ZNF140: variants seen among roughly 807,000 people sequenced by gnomAD.
The protein encoded by ZNF140 is zinc finger protein 140 (clone pHZ-39).
In ZNF140, 13 loss-of-function variants were observed where a neutral mutation model predicts 12.9. The ratio of observed to expected loss-of-function variants is 1.01; its 90% CI spans 0.66 to 1.60. The LOEUF (loss-of-function observed/expected upper bound fraction) is 1.60, where lower values mean the gene tolerates loss of function less well. ZNF140 is among the 40% of genes most tolerant of loss of function. The probability of loss-of-function intolerance (pLI) is 0.00; values close to 1 mark genes in which losing one functional copy is unlikely to be tolerated. For missense variants in ZNF140, 531 were observed against 548.8 expected (o/e 0.97, Z 0.32); for synonymous variants, 214 against 186.7 (o/e 1.15, Z -1.19).
intron 4 of ZNF140, among the ~76,000 whole-genome samples, chr12:133,099,121 C>T (rs1955238962): frequency 2.0e-5 from 3 of 151,134 alleles, no homozygotes; most frequent in Non-Finnish European, 4.4e-5. Context: ...GTGATCTGCC[C>T]GCCTCGGCCT....
upstream of ZNF140, chr12:133,080,468 G>A (rs1593730562): frequency 2.0e-5 from 3 of 152,516 alleles, no homozygotes; most frequent in African/African-American, 7.2e-5. Flanking sequence ...TGGGAAGTGT[G>A]GTGGCCTGAG....
intron 4 of ZNF140, among the ~76,000 whole-genome samples, chr12:133,086,593 C>CT (rs766139420): frequency 2.4e-4 from 37 of 151,954 alleles, no homozygotes; most frequent in African/African-American, 4.1e-4. Flanking sequence ...TCACATGTGG[C>CT]TTTTTTTTAA....
intron 4 of ZNF140, chr12:133,093,599 A>G: frequency 1.6e-6 from 1 of 635,642 alleles, no homozygotes; most frequent in Non-Finnish European, 2.8e-6. Context: ...CCCATGTTTT[A>G]TTTTTGTTGT....
chr12:133,090,640 A>G (rs1341278568), intron 4 of ZNF140, among the ~76,000 whole-genome samples: 1 of 122,836 alleles, frequency 8.1e-6, no homozygotes, highest in Non-Finnish European at 1.8e-5. Context: ...GAGAAACAAC[A>G]GTGGGCCCAG....
At chr12:133,093,531 T>A in intron 4 of ZNF140, 2 of 695,046 alleles carry the variant, frequency 2.9e-6, no homozygotes, top group South Asian at 3.0e-5. Context: ...GGAAGCTGAT[T>A]TATTTTCTGG....
intron 4 of ZNF140, among the ~76,000 whole-genome samples, chr12:133,096,209 T>C (rs1441425148): frequency 1.3e-5 from 2 of 152,022 alleles, no homozygotes; most frequent in Non-Finnish European, 2.9e-5. Flanking sequence ...GACTAGAGAA[T>C]GGCGATGACT....
In ZNF140 at chr12:133,104,649, C is replaced by T. The variant is rs1186583994; in HGVS notation, c.233-861C>T. 2.0e-5 allele frequency among the ~76,000 whole-genome samples: 3 copies of T among 152,188 alleles called. No individual in the cohort carries two copies. The East Asian group carries it at 5.8e-4, about 29-fold the overall frequency. On this transcript the variant is annotated intron_variant, in intron 4 of 4. Coordinates refer to ENST00000355557, the MANE Select transcript of ZNF140 (RefSeq NM_003440.4). ...TACAGGCGTGAGCCACTGCGCCCGG[C>T]CAAGAGTATGAATGTATTTTTAAGG...
intron 2 of ZNF140, chr12:133,082,843 C>T (rs1954548840): frequency 3.1e-6 from 1 of 320,680 alleles, no homozygotes; most frequent in Non-Finnish European, 5.7e-6. Context: ...CCATATTGTT[C>T]ATGTGTATAA....
chr12:133,091,044 T>C (rs1443201502), intron 4 of ZNF140, among the ~76,000 whole-genome samples: 2 of 149,010 alleles, frequency 1.3e-5, no homozygotes, highest in African/African-American at 2.5e-5. Context: ...CAGGAGACAG[T>C]GGCCTTCCTC....
chr12:133,084,241 A>G (rs995561391), intron 4 of ZNF140: 2 of 384,494 alleles, frequency 5.2e-6, no homozygotes, highest in African/African-American at 4.3e-5. Flanking sequence ...TGAGAAAGAA[A>G]AAAAAAATTA....
intron 4 of ZNF140, among the ~76,000 whole-genome samples, chr12:133,086,269 T>A (rs1183929808): frequency 6.6e-6 from 1 of 152,192 alleles, no homozygotes; most frequent in African/African-American, 2.4e-5. Context: ...TATTAGATAA[T>A]GCCAAAATGT....
At chr12:133,104,472 C>G (rs1955495632) in intron 4 of ZNF140, among the ~76,000 whole-genome samples, 1 of 152,046 alleles carries the variant, frequency 6.6e-6, no homozygotes. Context: ...CTGCCTCAGC[C>G]TCCTGAGTAC....
At chr12:133,102,131 A>C (rs1173291197) in intron 4 of ZNF140, among the ~76,000 whole-genome samples, 1 of 152,134 alleles carries the variant, frequency 6.6e-6, no homozygotes, top group Non-Finnish European at 1.5e-5. Context: ...TAAGAACTTA[A>C]TTAGTTCTTA....
At chr12:133,085,834 TAGAG>T (rs1424616980) in intron 4 of ZNF140, among the ~76,000 whole-genome samples, 8 of 152,038 alleles carry the variant, frequency 5.3e-5, no homozygotes, top group Non-Finnish European at 7.4e-5. Flanking sequence ...CTGGGCAACA[TAGAG>T]AGACCCTGTC....
intron 4 of ZNF140, chr12:133,084,055 T>C (rs1199256158): frequency 4.0e-5 from 14 of 354,046 alleles, no homozygotes; most frequent in Non-Finnish European, 7.5e-5. Flanking sequence ...TTTTCTATAT[T>C]ACCTAACAGC....
intron 4 of ZNF140, among the ~76,000 whole-genome samples, chr12:133,099,770 C>A (rs1955268576): frequency 6.6e-6 from 1 of 152,022 alleles, no homozygotes; most frequent in Admixed American, 6.5e-5. Flanking sequence ...AGTTTCTGAC[C>A]TGTATCATTT....
Position 133,105,822 on chromosome 12 carries a change from C to G in ZNF140, c.545C>G (p.Thr182Ser). The G allele has an allele frequency of 6.2e-7, 1 of 1,614,178 alleles. No individual in the cohort carries two copies. The highest frequency in any genetic ancestry group is 1.6e-4 in the Middle Eastern group (1 of 6,062). The change falls in exon 5 of 5, where the codon ACT becomes AGT. Residue 182 changes from threonine (T) to serine (S), a missense_variant. Thr to Ser is a moderately conservative substitution (Grantham distance 58). Coordinates refer to ENST00000355557, the MANE Select transcript of ZNF140 (RefSeq NM_003440.4). ...RRFSLVLHQRTHTGEKPYACK... is the reference protein window; with the variant it reads ...RRFSLVLHQRSHTGEKPYACK... ...TTTTCCCTGGTGTTACACCAGAGGACTCATACTGGAGAGAAACCATATGCA... is the reference window on the plus strand; with the variant it reads ...TTTTCCCTGGTGTTACACCAGAGGAGTCATACTGGAGAGAAACCATATGCA...
intron 4 of ZNF140, among the ~76,000 whole-genome samples, chr12:133,097,437 A>T (rs1593785625): frequency 1.3e-5 from 2 of 152,082 alleles, no homozygotes; most frequent in African/African-American, 4.8e-5. Context: ...AGTTCAGGAG[A>T]TTGAGACCAT....
chr12:133,097,849 G>GTGTGTGTGTGTGTGTGTGTGTT, intron 4 of ZNF140, among the ~76,000 whole-genome samples: 2 of 146,382 alleles, frequency 1.4e-5, no homozygotes, highest in Admixed American at 6.7e-5. Context: ...GTGTGTGTGT[G>GTGTGTGTGTGTGTGTGTGTGTT]TTTTTGAGAT....
Sources: allele counts gnomAD v4.1 joint callset (sites outside exome capture counted in the v4.1 genomes callset), GRCh38; gene constraint gnomAD v4.1.1; transcripts MANE v1.5; gene names NCBI Gene and HGNC (gene_info 2026-07-23, HGNC 2026-07-21).